Variants in EFHD2 observed in about 807,000 individuals in gnomAD.
EFHD2 encodes EF-hand domain family member D2.
A neutral mutation model predicts 20.3 loss-of-function variants in EFHD2; 12 were observed. The ratio of observed to expected loss-of-function variants is 0.59; its 90% CI spans 0.38 to 0.96. The LOEUF (loss-of-function observed/expected upper bound fraction) is 0.96, where lower values mean the gene tolerates loss of function less well. Ranked by LOEUF, EFHD2 falls within the 40% of genes least tolerant of loss-of-function variation. The pLI, the probability that EFHD2 is intolerant of heterozygous loss-of-function variation, is 0.00. For missense variants in EFHD2, 250 were observed against 334.3 expected, an observed-to-expected ratio of 0.75 and a Z score of 1.97; for synonymous variants, 131 against 143.9, an observed-to-expected ratio of 0.91 and a Z score of 0.64.
Position 15,426,350 on chromosome 1 carries a change from G to A in EFHD2, c.456+332G>A, listed in dbSNP as rs980696881. Among the ~76,000 whole-genome samples the A allele has an allele frequency of 6.6e-6, 1 of 152,196 alleles. No homozygotes were observed. The highest frequency in any genetic ancestry group is 2.4e-5 in the African/African-American group (1 of 41,448). On this transcript the variant is annotated intron_variant, in intron 2 of 3. Transcript: ENST00000375980. This position sits in a 1 kb window ranked among gnomAD's most constrained non-coding sequence, Gnocchi z 4.6. ...CCTGTGCTCGAAGGTTCCTGGAAGTGTAGAGGGGGAGACACCACAGAAGGA... is the reference window on the plus strand; with the variant it reads ...CCTGTGCTCGAAGGTTCCTGGAAGTATAGAGGGGGAGACACCACAGAAGGA...
intron 1 of EFHD2, among the ~76,000 whole-genome samples, chr1:15,416,367 G>A (rs1044980987): frequency 2.0e-5 from 3 of 152,004 alleles, no homozygotes; most frequent in Non-Finnish European, 2.9e-5. Context: ...GCCTCAGCAG[G>A]GAAGGTCCCC....
At chr1:15,420,280 G>A (rs1479644769) in intron 1 of EFHD2, among the ~76,000 whole-genome samples, 1 of 152,172 alleles carries the variant, frequency 6.6e-6, no homozygotes, top group African/African-American at 2.4e-5. Flanking sequence ...AAATTAACAG[G>A]TTTGAAGGAC....
chr1:15,415,944 G>A (rs984874868), intron 1 of EFHD2, among the ~76,000 whole-genome samples: 1 of 152,178 alleles, frequency 6.6e-6, no homozygotes, highest in Non-Finnish European at 1.5e-5. Flanking sequence ...CGTGTTTGTG[G>A]CTGGGGCTTG....
rs377216555 is a variant in EFHD2 at position 15,418,459 on chromosome 1, T to C, written c.309-7412T>C. The stretch of plus-strand genomic sequence containing the variant: ...TAGCTGGGACTACAGGCGCCCACCA[T>C]CACGCCCGGCTAATTTTTTGTATTT... On this transcript the variant is annotated intron_variant, in intron 1 of 3. Coordinates refer to ENST00000375980, the MANE Select transcript of EFHD2 (RefSeq NM_024329.6). Among the ~76,000 whole-genome samples the C allele has an allele frequency of 7.6e-4, 115 of 151,130 alleles. 1 individual carries two copies. The highest frequency in any genetic ancestry group is 2.2e-3 in the East Asian group (11 of 5,092).
chr1:15,430,021 CTCTT>C lies in EFHD2; in HGVS notation c.*1299_*1302del, dbSNP rs1707942023. ...CGTCACTGCTTTTTAAACTCGATAACTCTTTATTTTAGTAAAATGCCCAGGAGTC... is the reference window on the plus strand; with the variant it reads ...CGTCACTGCTTTTTAAACTCGATAACTATTTTAGTAAAATGCCCAGGAGTC... On this transcript the variant is annotated 3_prime_UTR_variant, in exon 4 of 4. Coordinates refer to ENST00000375980, the MANE Select transcript of EFHD2 (RefSeq NM_024329.6). The C allele has an allele frequency of 6.6e-6, 1 of 152,630 alleles. No individual in the cohort carries two copies. The highest frequency in any genetic ancestry group is 2.1e-4 in the South Asian group (1 of 4,828). 9.5% of individuals were successfully genotyped at this position (152,630 alleles called of 1,614,324 possible).
At chr1:15,420,967 G>C (rs993038072) in intron 1 of EFHD2, among the ~76,000 whole-genome samples, 3 of 152,178 alleles carry the variant, frequency 2.0e-5, no homozygotes, top group African/African-American at 7.2e-5. Flanking sequence ...TAATCTTAAA[G>C]GTAGATGTTA....
intron 1 of EFHD2, among the ~76,000 whole-genome samples, chr1:15,423,567 G>A (rs1707827584): frequency 6.6e-6 from 1 of 152,228 alleles, no homozygotes. Context: ...ACTGCTGTGT[G>A]ACTGTGGGTG....
intron 1 of EFHD2, 51 bp from the exon 2 acceptor site, chr1:15,425,820 G>A: frequency 1.3e-6 from 2 of 1,581,352 alleles, no homozygotes; most frequent in Non-Finnish European, 1.7e-6. Context: ...CAAGCCTGCG[G>A]CCTCTCTGAC....
chr1:15,417,769 C>T (rs918151346), intron 1 of EFHD2, among the ~76,000 whole-genome samples: 1 of 152,150 alleles, frequency 6.6e-6, no homozygotes, highest in Non-Finnish European at 1.5e-5. Context: ...TACCCAACAC[C>T]CACCCTGTCC....
intron 1 of EFHD2, 111 bp downstream of exon 1, chr1:15,410,390 C>T: frequency 6.7e-6 from 9 of 1,333,610 alleles, no homozygotes; most frequent in Non-Finnish European, 9.0e-6. Flanking sequence ...GTCAGCCAAG[C>T]TTCCCCGAAC....
chr1:15,417,996 T>C (rs867513678), intron 1 of EFHD2, among the ~76,000 whole-genome samples: 63 of 142,482 alleles, frequency 4.4e-4, no homozygotes, highest in African/African-American at 1.5e-3. Context: ...TTTTTTTTTT[T>C]TTTTTTTTTT....
intron 3 of EFHD2, chr1:15,427,913 C>T (rs891094309): frequency 4.3e-6 from 2 of 469,834 alleles, no homozygotes; most frequent in Non-Finnish European, 8.8e-6. Context: ...CTGGGTGTGC[C>T]GCTGGGCTCC....
chr1:15,418,237 G>A (rs113980046), intron 1 of EFHD2, among the ~76,000 whole-genome samples: 261 of 149,434 alleles, frequency 1.7e-3, no homozygotes, highest in African/African-American at 2.0e-3. Flanking sequence ...TGATCTGCCC[G>A]CCTCGGCCTC....
intron 1 of EFHD2, among the ~76,000 whole-genome samples, chr1:15,416,627 G>A (rs1279712119): frequency 6.6e-6 from 1 of 152,156 alleles, no homozygotes; most frequent in Non-Finnish European, 1.5e-5. Flanking sequence ...CTTTCAGAAG[G>A]GTTATGTGAC....
chr1:15,419,659 T>C (rs1230129820), intron 1 of EFHD2, among the ~76,000 whole-genome samples: 1 of 152,226 alleles, frequency 6.6e-6, no homozygotes, highest in African/African-American at 2.4e-5. Flanking sequence ...TAGACCAGGC[T>C]ATCTGGGTGG....
chr1:15,424,728 A>C (rs1293308344), intron 1 of EFHD2, among the ~76,000 whole-genome samples: 1 of 152,094 alleles, frequency 6.6e-6, no homozygotes, highest in Non-Finnish European at 1.5e-5. Flanking sequence ...TTCACGTCTT[A>C]TTTCTTCATT....
intron 1 of EFHD2, among the ~76,000 whole-genome samples, chr1:15,417,575 C>G (rs769913186): frequency 1.3e-5 from 2 of 152,192 alleles, no homozygotes; most frequent in African/African-American, 2.4e-5. Context: ...CTCTCTCTCT[C>G]TCTTTCTCCC....
rs777182594 is a variant in EFHD2 at position 15,413,318 on chromosome 1, G to A, written c.308+3039G>A. Among the ~76,000 whole-genome samples the A allele has an allele frequency of 2.0e-5, 3 of 152,276 alleles. No individual in the cohort carries two copies. Among genetic ancestry groups the A allele is most frequent in the African/African-American group, 7.2e-5 (3 of 41,548 alleles). On this transcript the variant is annotated intron_variant, in intron 1 of 3. Coordinates refer to ENST00000375980, the MANE Select transcript of EFHD2 (RefSeq NM_024329.6). The surrounding 1 kb of genome is among the most constrained non-coding windows in gnomAD (Gnocchi z 4.4). ...CAGCCTTTCCTTGGGGGCCAGGAGC[G>A]AGGAACCTGGGCTTCCATCCTAGTC...
At chr1:15,422,180 C>T (rs950553941) in intron 1 of EFHD2, among the ~76,000 whole-genome samples, 1 of 150,786 alleles carries the variant, frequency 6.6e-6, no homozygotes, top group Non-Finnish European at 1.5e-5. Context: ...GCAACCTCCA[C>T]CTCCTGTGTT....
Sources: allele counts gnomAD v4.1 joint callset (sites outside exome capture counted in the v4.1 genomes callset), GRCh38; gene constraint gnomAD v4.1.1; non-coding constraint Gnocchi (gnomAD v3.1); transcripts MANE v1.5; gene names NCBI Gene and HGNC (gene_info 2026-07-23, HGNC 2026-07-21).